Variants in FRMD4A observed in about 807,000 individuals in gnomAD.
The protein encoded by FRMD4A is FERM domain containing 4A, also known as FERM domain-containing protein 4A.
Under a neutral mutation model 129.1 loss-of-function variants are expected in FRMD4A, and 29 were observed. The observed-to-expected ratio is 0.22, with a 90% CI of 0.17 to 0.31. The LOEUF is 0.31. Ranked by LOEUF, FRMD4A falls within the 10% of genes least tolerant of loss-of-function variation. The probability of loss-of-function intolerance (pLI) is 1.00; values close to 1 mark genes in which losing one functional copy is unlikely to be tolerated. For missense variants in FRMD4A, 1,272 were observed against 1,375.8 expected, an observed-to-expected ratio of 0.92 and a Z score of 1.19; for synonymous variants, 634 against 571.6, an observed-to-expected ratio of 1.11 and a Z score of -1.56.
At chr10:13,972,083 A>C in intron 2 of FRMD4A, 1 of 1,125,074 alleles carries the variant, frequency 8.9e-7, no homozygotes, top group Non-Finnish European at 1.1e-6. Context: ...GGACAAGGTA[A>C]AAATAAACCT....
chr10:14,175,811 C>T (rs143850606), intron 2 of FRMD4A, among the ~76,000 whole-genome samples: 8 of 152,242 alleles, frequency 5.3e-5, no homozygotes, highest in African/African-American at 7.2e-5. Context: ...AGATGTGAGC[C>T]GCTGCTCAGG....
At chr10:14,196,452 A>G (rs139802034) in intron 2 of FRMD4A, among the ~76,000 whole-genome samples, 342 of 152,358 alleles carry the variant, frequency 2.2e-3, no homozygotes, top group Non-Finnish European at 3.2e-3. Flanking sequence ...CCTGAAGGGC[A>G]TAAGTTATTC....
chr10:13,800,812 T>C (rs2093236645), intron 4 of FRMD4A, among the ~76,000 whole-genome samples: 1 of 152,216 alleles, frequency 6.6e-6, no homozygotes, highest in Non-Finnish European at 1.5e-5. Flanking sequence ...ACAGATGGAT[T>C]CCCCCTCTAG....
intron 2 of FRMD4A, among the ~76,000 whole-genome samples, chr10:14,166,158 A>G (rs936720462): frequency 9.3e-5 from 14 of 150,688 alleles, no homozygotes; most frequent in African/African-American, 3.1e-4. Flanking sequence ...ATCAATGCCA[A>G]TGTTATATAA....
At chr10:14,116,998 T>G (rs562172633) in intron 2 of FRMD4A, among the ~76,000 whole-genome samples, 1 of 152,384 alleles carries the variant, frequency 6.6e-6, no homozygotes, top group African/African-American at 2.4e-5. Context: ...CATCACTGAT[T>G]GAGGGCCCAG....
intron 2 of FRMD4A, among the ~76,000 whole-genome samples, chr10:14,040,716 T>C (rs1045179088): frequency 1.3e-5 from 2 of 149,572 alleles, no homozygotes; most frequent in African/African-American, 2.4e-5. Context: ...TGAGTACTCC[T>C]CAGAAACCAT....
chr10:13,943,674 A>G (rs1168895636), intron 2 of FRMD4A, among the ~76,000 whole-genome samples: 133 of 134,280 alleles, frequency 9.9e-4, no homozygotes, highest in Middle Eastern at 3.7e-3. Context: ...AAAAAAAAAA[A>G]AAAAAGAAAA....
chr10:13,717,689 C>CTTG (rs2088956540), intron 12 of FRMD4A, among the ~76,000 whole-genome samples: 1 of 44,498 alleles, frequency 2.2e-5, no homozygotes, highest in East Asian at 7.5e-4. Flanking sequence ...ACCTGTTGTT[C>CTTG]TTGTTTTTTT....
At chr10:14,210,728 G>GT (rs1423857463) in intron 2 of FRMD4A, among the ~76,000 whole-genome samples, 1 of 152,020 alleles carries the variant, frequency 6.6e-6, no homozygotes, top group East Asian at 1.9e-4. Context: ...TTTGTTGTTT[G>GT]TTTCTTTGTT....
intron 3 of FRMD4A, among the ~76,000 whole-genome samples, chr10:13,823,543 T>C (rs1292198448): frequency 6.6e-6 from 1 of 152,226 alleles, no homozygotes; most frequent in African/African-American, 2.4e-5. Context: ...ATCTTGGGAT[T>C]CCAAGCTCCA....
At chr10:13,713,625 C>T (rs975535674) in intron 12 of FRMD4A, among the ~76,000 whole-genome samples, 5 of 151,566 alleles carry the variant, frequency 3.3e-5, no homozygotes, top group African/African-American at 9.7e-5. Context: ...TCACTGAACC[C>T]GAATCAGATG....
intron 2 of FRMD4A, among the ~76,000 whole-genome samples, chr10:13,895,132 G>T (rs2094742914): frequency 6.6e-6 from 1 of 152,146 alleles, no homozygotes; most frequent in African/African-American, 2.4e-5. Flanking sequence ...CAGGTTTGTT[G>T]CATAGGTAAA....
intron 2 of FRMD4A, among the ~76,000 whole-genome samples, chr10:13,972,570 C>T (rs1429598329): frequency 6.6e-6 from 1 of 151,846 alleles, no homozygotes; most frequent in East Asian, 1.9e-4. Flanking sequence ...GGGGTTACTT[C>T]CTATAAACCG....
chr10:14,264,202 T>G (rs1245816456), intron 2 of FRMD4A, among the ~76,000 whole-genome samples: 1 of 152,140 alleles, frequency 6.6e-6, no homozygotes, highest in South Asian at 2.1e-4. Context: ...TGGGCAGACA[T>G]GAAGCAACCG....
chr10:13,981,355 G>T (rs1445104817), intron 2 of FRMD4A, among the ~76,000 whole-genome samples: 4 of 152,140 alleles, frequency 2.6e-5, no homozygotes. Context: ...ATAATGAATC[G>T]AGAGTTTAGG....
chr10:14,241,522 A>T (rs1037995160), intron 2 of FRMD4A, among the ~76,000 whole-genome samples: 2 of 152,006 alleles, frequency 1.3e-5, no homozygotes, highest in Admixed American at 1.3e-4. Flanking sequence ...GTTAAAAAGT[A>T]GTCTTCTATT....
chr10:13,728,174 A>G (rs2090047198), intron 12 of FRMD4A, among the ~76,000 whole-genome samples: 1 of 152,158 alleles, frequency 6.6e-6, no homozygotes, highest in Admixed American at 6.5e-5. Context: ...TGTAATTGGA[A>G]ATGCCTTATG....
At chr10:14,061,980 A>G (rs1337818748) in intron 2 of FRMD4A, among the ~76,000 whole-genome samples, 1 of 152,056 alleles carries the variant, frequency 6.6e-6, no homozygotes. Flanking sequence ...TGTTCCTTGC[A>G]GCTAAAGGAA....
At chr10:14,156,959 C>T (rs1390562311) in intron 2 of FRMD4A, among the ~76,000 whole-genome samples, 1 of 152,180 alleles carries the variant, frequency 6.6e-6, no homozygotes, top group Non-Finnish European at 1.5e-5. Context: ...AGCTGATACA[C>T]CCTTGTTTAA....
Sources: gnomAD v4.1 joint callset for allele counts (sites outside exome capture counted in the v4.1 genomes callset) on GRCh38, gnomAD v4.1.1 for gene constraint, MANE v1.5 for transcripts, NCBI Gene and HGNC (gene_info 2026-07-23, HGNC 2026-07-21) for gene names.